The following CNIH3 variants were observed in gnomAD, a reference collection of about 807,000 sequenced individuals.
The protein encoded by CNIH3 is protein cornichon homolog 3.
Under a neutral mutation model 24.1 loss-of-function variants are expected in CNIH3, and 14 were observed. That is an observed-to-expected ratio of 0.58 (90% CI 0.38 to 0.91). The LOEUF (loss-of-function observed/expected upper bound fraction) is 0.91. Ranked by LOEUF, CNIH3 falls within the 40% of genes least tolerant of loss-of-function variation. The probability of loss-of-function intolerance (pLI) is 0.00; values close to 1 mark genes in which losing one functional copy is unlikely to be tolerated. For synonymous variants in CNIH3, 68 were observed against 73.8 expected, an observed-to-expected ratio of 0.92 and a Z score of 0.40; for missense variants, 178 against 196.8, an observed-to-expected ratio of 0.90 and a Z score of 0.57.
chr1:224,564,435 C>T (rs1680498362), intron 3 of CNIH3, among the ~76,000 whole-genome samples: 1 of 152,226 alleles, frequency 6.6e-6, no homozygotes, highest in Admixed American at 6.5e-5. Flanking sequence ...AAGGCCATCC[C>T]AGGGCTTGAT....
chr1:224,463,229 T>A (rs1676001533), intron 1 of CNIH3, among the ~76,000 whole-genome samples: 1 of 152,164 alleles, frequency 6.6e-6, no homozygotes, highest in Non-Finnish European at 1.5e-5. Context: ...CAAAATGTTT[T>A]ACAAAGTGCT....
intron 1 of CNIH3, among the ~76,000 whole-genome samples, chr1:224,444,912 G>A (rs1267589738): frequency 6.6e-6 from 1 of 150,968 alleles, no homozygotes; most frequent in Non-Finnish European, 1.5e-5. Context: ...CAAAGTGCTG[G>A]GATTACAGGC....
At chr1:224,711,310 T>TTC (rs1033710740) in intron 3 of CNIH3, among the ~76,000 whole-genome samples, 1 of 150,220 alleles carries the variant, frequency 6.7e-6, no homozygotes, top group African/African-American at 2.5e-5. Context: ...TTTTTAATCT[T>TTC]TCTCTCTCTC....
At chr1:224,548,784 C>T (rs1679802593) in intron 3 of CNIH3, among the ~76,000 whole-genome samples, 1 of 151,220 alleles carries the variant, frequency 6.6e-6, no homozygotes, top group Admixed American at 6.6e-5. Flanking sequence ...TGTGTACACC[C>T]TGGCACATTG....
At chr1:224,436,311 T>G (rs1157427069) in intron 1 of CNIH3, among the ~76,000 whole-genome samples, 1 of 152,218 alleles carries the variant, frequency 6.6e-6, no homozygotes, top group Admixed American at 6.5e-5. Flanking sequence ...AGAGCCCTGT[T>G]TGTATATTAA....
At chr1:224,699,976 C>T (rs6426151) in intron 3 of CNIH3, among the ~76,000 whole-genome samples, 3,250 of 152,120 alleles carry the variant, frequency 0.021, 83 homozygotes, top group African/African-American at 0.058. Context: ...CTGGGCCCTG[C>T]GGTTATCTTG....
intron 3 of CNIH3, among the ~76,000 whole-genome samples, chr1:224,607,297 G>C (rs955504285): frequency 4.6e-5 from 7 of 152,156 alleles, no homozygotes; most frequent in African/African-American, 1.7e-4. Flanking sequence ...CCAGGAAAAA[G>C]GGACACATAA....
intron 1 of CNIH3, among the ~76,000 whole-genome samples, chr1:224,452,512 T>A (rs1572267333): frequency 6.6e-6 from 1 of 151,704 alleles, no homozygotes; most frequent in East Asian, 2.0e-4. Context: ...CCGGGCACGG[T>A]GGCTCACACC....
chr1:224,716,686 A>G (rs555811345), intron 3 of CNIH3, among the ~76,000 whole-genome samples: 2 of 152,190 alleles, frequency 1.3e-5, no homozygotes, highest in South Asian at 4.1e-4. Context: ...GGCACCCAGG[A>G]GGGAACTGGG....
intron 1 of CNIH3, among the ~76,000 whole-genome samples, chr1:224,503,809 T>A (rs1023908816): frequency 3.9e-5 from 6 of 152,204 alleles, no homozygotes; most frequent in Admixed American, 2.6e-4. Context: ...TGCCAACTAC[T>A]GTGGAATAAC....
At chr1:224,572,629 G>A (rs934592644) in intron 4 of CNIH3, among the ~76,000 whole-genome samples, 2 of 150,966 alleles carry the variant, frequency 1.3e-5, no homozygotes, top group Admixed American at 1.3e-4. Flanking sequence ...TTTAGGATAG[G>A]GTTTTTTTTT....
chr1:224,739,619 G>C lies in CNIH3; in HGVS notation c.*263G>C, dbSNP rs1290966398. 1.4e-5 allele frequency: 8 copies of C among 577,496 alleles called. No individual in the cohort carries two copies. The highest frequency in any genetic ancestry group is 2.9e-6 in the Non-Finnish European group (1 of 340,336). The allele number at this position is 577,496 out of a possible 1,614,324, so 35.8% of individuals were successfully genotyped here. ...TAGAGCCCTTCTGAGCATCAGTGGT[G>C]TGGGGGAGTAGGTGACGAAACACTA... On this transcript the variant is annotated 3_prime_UTR_variant, in exon 6 of 6. Coordinates refer to ENST00000272133, the MANE Select transcript of CNIH3 (RefSeq NM_152495.2).
chr1:224,729,122 C>T (rs985297673), intron 3 of CNIH3, among the ~76,000 whole-genome samples: 1 of 152,006 alleles, frequency 6.6e-6, no homozygotes, highest in South Asian at 2.1e-4. Context: ...TAGAAAGTGT[C>T]ATTTGAGGCT....
At chr1:224,489,703 G>T (rs927869859) in intron 1 of CNIH3, among the ~76,000 whole-genome samples, 1 of 152,152 alleles carries the variant, frequency 6.6e-6, no homozygotes, top group Non-Finnish European at 1.5e-5. Flanking sequence ...AGTCCATTTG[G>T]GCTGCTGTAA....
intron 3 of CNIH3, among the ~76,000 whole-genome samples, chr1:224,729,375 G>A (rs1227596762): frequency 7.5e-6 from 1 of 132,902 alleles, no homozygotes; most frequent in Non-Finnish European, 1.5e-5. Flanking sequence ...TCACGCCACT[G>A]TACTCCAGCC....
At chr1:224,525,777 G>A (rs986432631) in intron 2 of CNIH3, among the ~76,000 whole-genome samples, 2 of 152,160 alleles carry the variant, frequency 1.3e-5, no homozygotes, top group African/African-American at 4.8e-5. Context: ...GAGTACGAAT[G>A]GAAGGAGCCA....
chr1:224,494,232 G>A (rs964130761), intron 1 of CNIH3, among the ~76,000 whole-genome samples: 1 of 152,150 alleles, frequency 6.6e-6, no homozygotes. Context: ...ATTAGATCTT[G>A]TATAATTTTC....
intron 1 of CNIH3, among the ~76,000 whole-genome samples, chr1:224,469,581 T>C (rs781765798): frequency 1.1e-4 from 16 of 152,224 alleles, no homozygotes; most frequent in Non-Finnish European, 1.5e-4. Context: ...AAATCATAGC[T>C]AATTGTAATC....
rs550551664 is a variant in CNIH3 at position 224,561,304 on chromosome 1, A to G, written n.451-4895A>G. On this transcript the variant is annotated intron_variant and non_coding_transcript_variant, in intron 3 of 5. Coordinates refer to the CNIH3 transcript ENST00000471578. ...GGTTTACAGATTTCCTTTCTCAGTCATGAATTTTCCTATATATAATTTTCT... is the reference window on the plus strand; with the variant it reads ...GGTTTACAGATTTCCTTTCTCAGTCGTGAATTTTCCTATATATAATTTTCT... Among the ~76,000 whole-genome samples the G allele has an allele frequency of 2.0e-4, 30 of 152,196 alleles. 1 individual carries two copies. The South Asian group carries it at 3.5e-3, about 18-fold the overall frequency.
Sources: gnomAD v4.1 joint callset for allele counts (sites outside exome capture counted in the v4.1 genomes callset) on GRCh38, gnomAD v4.1.1 for gene constraint, MANE v1.5 for transcripts, NCBI Gene and HGNC (gene_info 2026-07-23, HGNC 2026-07-21) for gene names.